FBLN1: variants seen among roughly 807,000 people sequenced by gnomAD.
FBLN1 encodes fibulin 1, also known as fibulin-1.
In FBLN1, 34 loss-of-function variants were observed where a neutral mutation model predicts 89.7. The ratio of observed to expected loss-of-function variants is 0.38; its 90% CI spans 0.29 to 0.50. The LOEUF (loss-of-function observed/expected upper bound fraction) is 0.50, where lower values mean the gene tolerates loss of function less well. FBLN1 is among the 20% of genes least tolerant of loss of function. The pLI is 0.92. For synonymous variants in FBLN1, 393 were observed against 391.3 expected (o/e 1.00, Z -0.05); for missense variants, 777 against 988.1 (o/e 0.79, Z 2.86).
At chr22:45,529,084 G>T (rs1274103181) in intron 4 of FBLN1, among the ~76,000 whole-genome samples, 1 of 152,192 alleles carries the variant, frequency 6.6e-6, no homozygotes, top group Non-Finnish European at 1.5e-5. Flanking sequence ...GCTGCCCGGG[G>T]CAGCATGGGT....
At position 45,532,445 on chromosome 22, in the gene FBLN1, C is replaced by T. The variant is rs1412989999; in HGVS notation, c.545-618C>T. 6.6e-6 allele frequency among the ~76,000 whole-genome samples: 1 copy of T among 152,070 alleles called. No homozygotes were observed. Among genetic ancestry groups the T allele is most frequent in the African/African-American group, 2.4e-5 (1 of 41,394 alleles). On this transcript the variant is annotated intron_variant, in intron 5 of 16. Coordinates refer to ENST00000327858, the MANE Select transcript of FBLN1 (RefSeq NM_006486.3). The surrounding 1 kb of genome is among the most constrained non-coding windows in gnomAD (Gnocchi z 4.2). ...GGGCCAGAGAGAGGGGCCCTAGAAGCAGGCAGGCTGGCAGCAGTTAGAAGT... is the reference window on the plus strand; with the variant it reads ...GGGCCAGAGAGAGGGGCCCTAGAAGTAGGCAGGCTGGCAGCAGTTAGAAGT...
intron 14 of FBLN1, among the ~76,000 whole-genome samples, chr22:45,554,733 G>A (rs1278156035): frequency 6.6e-6 from 1 of 152,222 alleles, no homozygotes; most frequent in African/African-American, 2.4e-5. Context: ...AGGGCTTCCT[G>A]GAGCACCTGG....
Position 45,580,638 on chromosome 22 carries a change from G to A in FBLN1, c.1972+3530G>A, listed in dbSNP as rs546204335. 1.4e-4 allele frequency among the ~76,000 whole-genome samples: 22 copies of A among 152,314 alleles called. No homozygotes were observed. Among genetic ancestry groups the A allele is most frequent in the South Asian group, 1.0e-3 (5 of 4,834 alleles). On this transcript the variant is annotated intron_variant, in intron 16 of 16. Transcript: ENST00000327858. The surrounding 1 kb of genome is among the most constrained non-coding windows in gnomAD (Gnocchi z 8.6). The stretch of plus-strand genomic sequence containing the variant: ...TGGGGCCAGAGCGGGCCTGGAGCCC[G>A]GTCTTCCCCAGACACCACACCCGCC...
chr22:45,577,148 C>T lies in FBLN1; in HGVS notation c.1972+40C>T, dbSNP rs779294622. 2 of 1,609,544 alleles carry T rather than the reference C, an allele frequency of 1.2e-6. No homozygotes were observed. The highest frequency in any genetic ancestry group is 1.1e-5 in the South Asian group (1 of 90,952). On this transcript the variant is annotated intron_variant, in intron 16 of 16. Transcript: ENST00000327858. The surrounding 1 kb of genome is among the most constrained non-coding windows in gnomAD (Gnocchi z 6.6). Reference sequence around the variant, plus strand: ...ATATCAGCTCTATCCAGGCACCCCTCCCCCTCCACCCCGAAACCCTCTCTG... The same window carrying T: ...ATATCAGCTCTATCCAGGCACCCCTTCCCCTCCACCCCGAAACCCTCTCTG...
chr22:45,527,731 T>G, intron 3 of FBLN1, 116 bp from the exon 4 acceptor site: 4 of 1,046,378 alleles, frequency 3.8e-6, no homozygotes, highest in Non-Finnish European at 5.8e-6. Flanking sequence ...ACTTGAGTCA[T>G]CACTCTACAG....
chr22:45,565,509 C>T (rs2088894537), intron 14 of FBLN1: 2 of 296,968 alleles, frequency 6.7e-6, no homozygotes, highest in Non-Finnish European at 1.3e-5. Flanking sequence ...TTAGCCTGAG[C>T]TCCCCTGGCC....
rs1369418360 is a variant in FBLN1 at position 45,549,837 on chromosome 22, C to T, written c.1574-655C>T. Among the ~76,000 whole-genome samples, 1 of 152,216 alleles carries T rather than the reference C, an allele frequency of 6.6e-6. No individual in the cohort carries two copies. The highest frequency in any genetic ancestry group is 2.4e-5 in the African/African-American group (1 of 41,458). On this transcript the variant is annotated intron_variant, in intron 13 of 16. Coordinates refer to ENST00000327858, the MANE Select transcript of FBLN1 (RefSeq NM_006486.3). This position sits in a 1 kb window ranked among gnomAD's most constrained non-coding sequence, Gnocchi z 5.7. ...CTCAGTGTGGTGCCCCAGGCCCCAT[C>T]CCAGGAGTCCCAGACCTGGTGGTTC...
intron 7 of FBLN1, 77 bp downstream of exon 7, chr22:45,533,975 G>T (rs895884307): frequency 1.9e-6 from 3 of 1,594,668 alleles, no homozygotes; most frequent in Admixed American, 1.7e-5. Context: ...CAGCTCTGGG[G>T]TCTGGGCTCC....
Position 45,578,950 on chromosome 22 carries a change from G to GC in FBLN1, c.1972+1844dup, listed in dbSNP as rs1337965474. Reference sequence around the variant, plus strand: ...CTTTGCATCTCAGCAGCAGGGAGAAGCCACCCCGTATCAGATCATCAAAAT... The same window carrying GC: ...CTTTGCATCTCAGCAGCAGGGAGAAGCCCACCCCGTATCAGATCATCAAAAT... On this transcript the variant is annotated intron_variant, in intron 16 of 16. Coordinates refer to ENST00000327858, the MANE Select transcript of FBLN1 (RefSeq NM_006486.3). This position sits in a 1 kb window ranked among gnomAD's most constrained non-coding sequence, Gnocchi z 4.6. 1.3e-5 allele frequency among the ~76,000 whole-genome samples: 2 copies of GC among 152,220 alleles called. No homozygotes were observed. The highest frequency in any genetic ancestry group is 2.9e-5 in the Non-Finnish European group (2 of 68,048).
In FBLN1 at chr22:45,547,110, C is replaced by T; in HGVS notation, c.1347C>T (p.Pro449=). The change falls in exon 12 of 17, where the codon CCC becomes CCT. Residue 449 remains proline (P), a synonymous_variant. Transcript: ENST00000327858. Reference sequence around the variant, plus strand: ...ACATCAATGAGTGCAGCAGCAGCCCCTGTAGCCAGGAGTGTGCCAACGTCT... The same window carrying T: ...ACATCAATGAGTGCAGCAGCAGCCCTTGTAGCCAGGAGTGTGCCAACGTCT... ...CEDINECSSS[P]CSQECANVYG... 6.2e-7 allele frequency: 1 copy of T among 1,614,170 alleles called. No individual in the cohort carries two copies. The highest frequency in any genetic ancestry group is 8.5e-7 in the Non-Finnish European group (1 of 1,180,036).
intron 3 of FBLN1, 42 bp downstream of exon 3, chr22:45,525,720 TA>T: frequency 6.4e-7 from 1 of 1,550,608 alleles, no homozygotes; most frequent in Non-Finnish European, 8.7e-7. Flanking sequence ...CCGTCCCCAC[TA>T]GTCGGCAGAC....
intron 14 of FBLN1, among the ~76,000 whole-genome samples, chr22:45,571,111 C>CAAAAAAAAAAAAAAAAAAA (rs542647353): frequency 7.1e-5 from 5 of 70,850 alleles, no homozygotes; most frequent in African/African-American, 5.9e-5. Context: ...ACAAGAGTCT[C>CAAAAAAAAAAAAAAAAAAA]AAAAAAAAAA....
chr22:45,508,708 C>T (rs571157696), intron 1 of FBLN1, among the ~76,000 whole-genome samples: 17 of 152,136 alleles, frequency 1.1e-4, no homozygotes, highest in Non-Finnish European at 2.1e-4. Context: ...TGCATGGCCT[C>T]GGGCAACTTG....
intron 3 of FBLN1, among the ~76,000 whole-genome samples, chr22:45,527,006 C>T (rs1457532868): frequency 6.6e-6 from 1 of 152,156 alleles, no homozygotes; most frequent in African/African-American, 2.4e-5. Flanking sequence ...AAGGATTACT[C>T]ACACCCCAAA....
chr22:45,515,986 G>A (rs2088164561), intron 1 of FBLN1, among the ~76,000 whole-genome samples: 1 of 152,362 alleles, frequency 6.6e-6, no homozygotes, highest in African/African-American at 2.4e-5. Context: ...ACAGGAGACA[G>A]AGCCTGCCCT....
In FBLN1 at chr22:45,535,202, A is replaced by G; in HGVS notation, c.787A>G (p.Ile263Val). Residue 263 changes from isoleucine to valine, a missense_variant and splice_region_variant, in exon 8 of 17, where the codon ATT (isoleucine) becomes GTT (valine). Ile to Val is a conservative substitution (Grantham distance 29, BLOSUM62 3). Coordinates refer to ENST00000327858, the MANE Select transcript of FBLN1 (RefSeq NM_006486.3). Reference protein sequence around the residue: ...ELTEDNSCKDIDECESGIHNC... With the variant: ...ELTEDNSCKDVDECESGIHNC... The stretch of plus-strand genomic sequence containing the variant: ...TTCCTTTTTTTATGATGTACCAGAT[A>G]TTGACGAGTGTGAGAGTGGTATTCA... The G allele has an allele frequency of 6.2e-7, 1 of 1,614,168 alleles. No individual in the cohort carries two copies. Among genetic ancestry groups the G allele is most frequent in the Non-Finnish European group, 8.5e-7 (1 of 1,180,014 alleles).
chr22:45,531,425 C>A lies in FBLN1; in HGVS notation c.544+101C>A. 1 of 1,006,298 alleles carries A rather than the reference C, an allele frequency of 9.9e-7. No individual in the cohort carries two copies. Among genetic ancestry groups the A allele is most frequent in the Non-Finnish European group, 1.6e-6 (1 of 635,998 alleles). 62.3% of individuals were successfully genotyped at this position (1,006,298 alleles called of 1,614,324 possible). On this transcript the variant is annotated intron_variant, in intron 5 of 16. Transcript: ENST00000327858. The surrounding 1 kb of genome is among the most constrained non-coding windows in gnomAD (Gnocchi z 4.9). Reference sequence around the variant, plus strand: ...ATCCTAGTACTTTGGGAAGCCAAGGCAGGAGGATTCCTTGAGCCCAGGAGG... The same window carrying A: ...ATCCTAGTACTTTGGGAAGCCAAGGAAGGAGGATTCCTTGAGCCCAGGAGG...
At chr22:45,598,293 C>T (rs1024709297) in intron 16 of FBLN1, among the ~76,000 whole-genome samples, 4 of 152,226 alleles carry the variant, frequency 2.6e-5, no homozygotes, top group African/African-American at 4.8e-5. Flanking sequence ...AGTGTTGCCA[C>T]GTGGTACCGG....
Position 45,574,708 on chromosome 22 carries a change from A to T in FBLN1, c.1840+55A>T. ...GCCCCCTAGGGCCTCCCTCGGCTTC[A>T]GCTGAGGGCTTGGCCTACAGGAGTT... On this transcript the variant is annotated intron_variant, in intron 15 of 16. Coordinates refer to ENST00000327858, the MANE Select transcript of FBLN1 (RefSeq NM_006486.3). This position sits in a 1 kb window ranked among gnomAD's most constrained non-coding sequence, Gnocchi z 4.1. 6.5e-7 allele frequency: 1 copy of T among 1,540,550 alleles called. No individual in the cohort carries two copies. Among genetic ancestry groups the T allele is most frequent in the Non-Finnish European group, 8.9e-7 (1 of 1,124,428 alleles).
Sources: allele counts gnomAD v4.1 joint callset (sites outside exome capture counted in the v4.1 genomes callset), GRCh38; gene constraint gnomAD v4.1.1; non-coding constraint Gnocchi (gnomAD v3.1); transcripts MANE v1.5; gene names NCBI Gene and HGNC (gene_info 2026-07-23, HGNC 2026-07-21).